Variants in PDZRN3 observed in about 807,000 individuals in gnomAD.
The protein encoded by PDZRN3 is E3 ubiquitin-protein ligase PDZRN3.
PDZRN3 carries 38 observed loss-of-function variants against 85.7 expected under a neutral mutation model. The ratio of observed to expected loss-of-function variants is 0.44; its 90% CI spans 0.34 to 0.58. The LOEUF is 0.58. Among genes scored for constraint, PDZRN3 ranks in the 20% least tolerant of loss-of-function variants. The pLI is 0.01. For synonymous variants in PDZRN3, 759 were observed against 638.0 expected (o/e 1.19, Z -2.86); for missense variants, 1,629 against 1,506.4 (o/e 1.08, Z -1.35).
In PDZRN3 at chr3:73,416,876, G is replaced by GTTTTTTTTTTTTTTTTTTTTTTTTTTTT. The variant is rs146381615; in HGVS notation, c.919-12509_919-12482dup. 5.2e-4 allele frequency among the ~76,000 whole-genome samples: 57 copies of GTTTTTTTTTTTTTTTTTTTTTTTTTTTT among 110,390 alleles called. 4 individuals carry two copies. The highest frequency in any genetic ancestry group is 9.4e-4 in the South Asian group (3 of 3,200). 72.4% of individuals were successfully genotyped at this position (110,390 alleles called of 152,430 possible). A position where few individuals can be genotyped will look rare whatever the true frequency, so the allele number is the denominator to read the frequency against. On this transcript the variant is annotated intron_variant, in intron 3 of 9. Coordinates refer to ENST00000263666, the MANE Select transcript of PDZRN3 (RefSeq NM_015009.3). The stretch of plus-strand genomic sequence containing the variant: ...TTTTTTTTTTGTTTGTTTTTTTTTG[G>GTTTTTTTTTTTTTTTTTTTTTTTTTTTT]TTTTTTTTTTTTTTTTTTTTTTTTT...
At chr3:73,385,820 G>T in intron 8 of PDZRN3, 35 bp from the exon 9 acceptor site, 1 of 1,187,282 alleles carries the variant, frequency 8.4e-7, no homozygotes, top group Non-Finnish European at 1.3e-6. Flanking sequence ...TGCCTTAGAA[G>T]TTTCCTTTCA....
At chr3:73,546,145 G>A (rs1293066135) in intron 3 of PDZRN3, among the ~76,000 whole-genome samples, 1 of 152,156 alleles carries the variant, frequency 6.6e-6, no homozygotes, top group South Asian at 2.1e-4. Flanking sequence ...TTGAATAAAT[G>A]AGCAAATCAA....
At chr3:73,577,848 C>T (rs535639802) in intron 3 of PDZRN3, among the ~76,000 whole-genome samples, 11 of 152,344 alleles carry the variant, frequency 7.2e-5, no homozygotes, top group African/African-American at 1.9e-4. Context: ...TGGACTATGG[C>T]CCTGGAGCCA....
chr3:73,497,638 G>C (rs4677292), intron 3 of PDZRN3, among the ~76,000 whole-genome samples: 3 of 151,988 alleles, frequency 2.0e-5, no homozygotes, highest in African/African-American at 7.3e-5. Context: ...GAAACTCTAC[G>C]TACCCATCAC....
chr3:73,452,364 A>T (rs1192014745), intron 3 of PDZRN3, among the ~76,000 whole-genome samples: 1 of 152,242 alleles, frequency 6.6e-6, no homozygotes. Flanking sequence ...TACCACCAAC[A>T]TGATAATTAT....
intron 3 of PDZRN3, among the ~76,000 whole-genome samples, chr3:73,551,634 A>G (rs1446743669): frequency 6.6e-6 from 1 of 151,128 alleles, no homozygotes; most frequent in African/African-American, 2.4e-5. Flanking sequence ...GGCTGCAGCG[A>G]ACTGTGATTG....
chr3:73,508,808 A>AT (rs1354119150), intron 3 of PDZRN3, among the ~76,000 whole-genome samples: 2 of 152,024 alleles, frequency 1.3e-5, no homozygotes, highest in East Asian at 1.9e-4. Flanking sequence ...GAAAATAAAT[A>AT]TTTTTTCTCT....
intron 3 of PDZRN3, among the ~76,000 whole-genome samples, chr3:73,521,253 C>A (rs1414449562): frequency 6.6e-6 from 1 of 152,158 alleles, no homozygotes; most frequent in South Asian, 2.1e-4. Flanking sequence ...AAAGACTTCA[C>A]GCTCTGGACA....
At chr3:73,624,062 G>C in intron 1 of PDZRN3, 41 bp downstream of exon 1, 1 of 1,400,644 alleles carries the variant, frequency 7.1e-7, no homozygotes, top group Non-Finnish European at 9.2e-7. Flanking sequence ...TGGGTCCCCA[G>C]GGATCCTGGC....
At chr3:73,403,033 T>C (rs1701784847) in intron 4 of PDZRN3, among the ~76,000 whole-genome samples, 1 of 146,740 alleles carries the variant, frequency 6.8e-6, no homozygotes, top group African/African-American at 2.6e-5. Flanking sequence ...AAGCTCCGCC[T>C]CCCGGGTTCA....
intron 3 of PDZRN3, among the ~76,000 whole-genome samples, chr3:73,498,710 G>A (rs1205014611): frequency 6.6e-6 from 1 of 151,856 alleles, no homozygotes; most frequent in African/African-American, 2.4e-5. Flanking sequence ...CCAGCCTCCT[G>A]AGTAGCTGAG....
At chr3:73,512,019 G>A (rs1044984749) in intron 3 of PDZRN3, among the ~76,000 whole-genome samples, 12 of 152,218 alleles carry the variant, frequency 7.9e-5, no homozygotes, top group African/African-American at 2.9e-4. Flanking sequence ...AAGTTAACGC[G>A]CTCCTTTGGT....
intron 6 of PDZRN3, among the ~76,000 whole-genome samples, chr3:73,390,637 G>A (rs1291477086): frequency 1.8e-5 from 2 of 108,954 alleles, no homozygotes; most frequent in African/African-American, 6.8e-5. Flanking sequence ...AAAAAAAAAT[G>A]TGTGTGTGTG....
chr3:73,528,885 AACACAC>A (rs56134399), intron 3 of PDZRN3, among the ~76,000 whole-genome samples: 42,271 of 146,714 alleles, frequency 0.29, 6,640 homozygotes, highest in Non-Finnish European at 0.39. Context: ...TTTTGTGGGA[AACACAC>A]ACACACACAC....
chr3:73,401,023 C>A lies in PDZRN3; in HGVS notation c.1167-14G>T, dbSNP rs535377132. ...GCTGAGGGATGCCTGAAAAGAGATG[C>A]AACATCTTTACAGCCCTTCTTCCGT... On this transcript the variant is annotated splice_polypyrimidine_tract_variant and intron_variant, in intron 4 of 9. Coordinates refer to ENST00000263666, the MANE Select transcript of PDZRN3 (RefSeq NM_015009.3). The A allele has an allele frequency of 1.3e-6, 2 of 1,567,260 alleles. No homozygotes were observed. Among genetic ancestry groups the A allele is most frequent in the East Asian group, 4.5e-5 (2 of 44,638 alleles).
chr3:73,523,392 C>T (rs948153288), intron 3 of PDZRN3, among the ~76,000 whole-genome samples: 3 of 152,012 alleles, frequency 2.0e-5, no homozygotes, highest in Non-Finnish European at 4.4e-5. Context: ...AATGGACTAC[C>T]TTAAGAAACT....
chr3:73,399,136 T>A (rs1261975895), intron 5 of PDZRN3, among the ~76,000 whole-genome samples: 1 of 152,104 alleles, frequency 6.6e-6, no homozygotes, highest in Non-Finnish European at 1.5e-5. Context: ...AAAAAAGAAC[T>A]AAAGAACCCA....
rs1701737764 is a variant in PDZRN3, at chr3:73,401,005, G to A, written c.1171C>T (p.Pro391Ser). The stretch of plus-strand genomic sequence containing the variant: ...GGATCGTAGTATTCATGGGCTGAGG[G>A]ATGCCTGAAAAGAGATGCAACATCT... ...LDPYLLPEEH[P>S]SAHEYYDPND... The change falls in exon 5 of 10, where the codon CCC becomes TCC. Residue 391 changes from proline (P) to serine (S), a missense_variant. Transcript: ENST00000263666. 2 of 1,610,058 alleles carry A rather than the reference G, an allele frequency of 1.2e-6. No individual in the cohort carries two copies. Among genetic ancestry groups the A allele is most frequent in the African/African-American group, 2.7e-5 (2 of 74,828 alleles).
chr3:73,474,568 C>A (rs1371380807), intron 3 of PDZRN3: 1 of 1,283,380 alleles, frequency 7.8e-7, no homozygotes, highest in Non-Finnish European at 1.0e-6. Flanking sequence ...AGCAAGGCAG[C>A]CTGCAGGTCC....
Sources: gnomAD v4.1 joint callset for allele counts (sites outside exome capture counted in the v4.1 genomes callset) on GRCh38, gnomAD v4.1.1 for gene constraint, MANE v1.5 for transcripts, NCBI Gene and HGNC (gene_info 2026-07-23, HGNC 2026-07-21) for gene names.